Variants in DCAF8L2 observed in about 807,000 individuals in gnomAD.
DCAF8L2 encodes the protein DDB1- and CUL4-associated factor 8-like protein 2.
For synonymous variants in DCAF8L2, 200 were observed against 190.9 expected (o/e 1.05, Z -0.39); for missense variants, 430 against 490.7 (o/e 0.88, Z 1.17).
the DCAF8L2 span, among the ~76,000 whole-genome samples, chrX:27,497,167 A>G: frequency 9.0e-6 from 1 of 111,521 alleles, no homozygotes; most frequent in Admixed American, 9.6e-5. Flanking sequence ...TAGTAGATGC[A>G]TGAAGCTACA....
chrX:27,550,817 G>A, the DCAF8L2 span, among the ~76,000 whole-genome samples: 10,666 of 85,665 alleles, frequency 0.12, 408 homozygotes, highest in South Asian at 0.18. Flanking sequence ...CTTTGCAGAT[G>A]CTGTGATTTT....
Position 27,686,240 on chromosome X carries a change from T to C in DCAF8L2, c.-143+8328T>C, listed in dbSNP as rs1020987699. 2.7e-5 allele frequency among the ~76,000 whole-genome samples: 3 copies of C among 110,576 alleles called. No individual in the cohort carries two copies. The Admixed American group carries it at 2.9e-4, about 11-fold the overall frequency. On this transcript the variant is annotated intron_variant, in intron 3 of 4. Transcript: ENST00000451261. ...CAGAAATTCCACTACTAGTTATATA[T>C]CCAAAAGAAAGGAAATCAGTACATC...
chrX:27,626,530 A>C (rs907657485), intron 1 of DCAF8L2, among the ~76,000 whole-genome samples: 3 of 112,005 alleles, frequency 2.7e-5, no homozygotes, highest in African/African-American at 9.7e-5. Context: ...CCACAAAGCT[A>C]GTTTTCTAGG....
chrX:27,745,934 G>A (rs1922138640), intron 4 of DCAF8L2, among the ~76,000 whole-genome samples: 1 of 111,709 alleles, frequency 9.0e-6, no homozygotes, highest in Admixed American at 9.5e-5. Flanking sequence ...ACAAAATTGT[G>A]TTGGTGTTCC....
At chrX:27,738,383 C>G (rs1321934580) in intron 4 of DCAF8L2, among the ~76,000 whole-genome samples, 1 of 111,701 alleles carries the variant, frequency 9.0e-6, no homozygotes, top group Non-Finnish European at 1.9e-5. Context: ...TCAGAGCAAA[C>G]TTTGACTTTT....
the DCAF8L2 span, among the ~76,000 whole-genome samples, chrX:27,527,149 T>A: frequency 1.8e-5 from 2 of 112,408 alleles, no homozygotes; most frequent in African/African-American, 6.5e-5. Context: ...CAGGCAGGCC[T>A]CCTTGAGCTG....
In DCAF8L2 at chrX:27,613,411, A is replaced by T. The variant is rs371921073; in HGVS notation, c.-341-18468A>T. Among the ~76,000 whole-genome samples the T allele has an allele frequency of 4.6e-4, 51 of 111,395 alleles. No individual in the cohort carries two copies. In the East Asian group the frequency reaches 7.4e-3, roughly 16 times the overall value. On this transcript the variant is annotated intron_variant, in intron 1 of 4. Coordinates refer to ENST00000451261, the MANE Select transcript of DCAF8L2 (RefSeq NM_001353450.2). ...GTCATCTGCAAACAGGGACAATTTG[A>T]CTTCCTCTTTTCCTAATTGAATACC...
intron 1 of DCAF8L2, among the ~76,000 whole-genome samples, chrX:27,593,581 T>A (rs1215631736): frequency 8.9e-6 from 1 of 111,903 alleles, no homozygotes; most frequent in Admixed American, 9.5e-5. Context: ...ACTTGCCTTT[T>A]GCATGGAGCA....
chrX:27,702,409 A>C (rs1388249170), intron 3 of DCAF8L2, among the ~76,000 whole-genome samples: 1 of 103,796 alleles, frequency 9.6e-6, no homozygotes, highest in Non-Finnish European at 2.0e-5. Context: ...AACAAAAAAA[A>C]CCTACAAACC....
intron 1 of DCAF8L2, among the ~76,000 whole-genome samples, chrX:27,599,026 A>G (rs1171251030): frequency 9.2e-6 from 1 of 108,595 alleles, no homozygotes; most frequent in Non-Finnish European, 1.9e-5. Flanking sequence ...TGTTTATCCA[A>G]AAGAATTGAG....
chrX:27,729,972 G>A (rs1025895127), intron 4 of DCAF8L2, among the ~76,000 whole-genome samples: 3 of 111,670 alleles, frequency 2.7e-5, no homozygotes, highest in African/African-American at 9.8e-5. Flanking sequence ...GAATGGATCA[G>A]TCTCCCTCAG....
the DCAF8L2 span, among the ~76,000 whole-genome samples, chrX:27,502,852 A>C: frequency 9.0e-6 from 1 of 111,660 alleles, no homozygotes; most frequent in Non-Finnish European, 1.9e-5. Flanking sequence ...ATATAGGGGA[A>C]ACAATAACTT....
intron 4 of DCAF8L2, among the ~76,000 whole-genome samples, chrX:27,721,815 A>G (rs943631868): frequency 5.4e-5 from 6 of 111,916 alleles, no homozygotes; most frequent in African/African-American, 1.9e-4. Flanking sequence ...ATACAACAGA[A>G]GAATAATTAC....
At chrX:27,571,272 T>C in the DCAF8L2 span, among the ~76,000 whole-genome samples, 1 of 111,739 alleles carries the variant, frequency 8.9e-6, no homozygotes, top group African/African-American at 3.3e-5. Flanking sequence ...TTTTTATAGA[T>C]GGAAAGATTT....
At chrX:27,555,634 G>A in the DCAF8L2 span, among the ~76,000 whole-genome samples, 3 of 111,954 alleles carry the variant, frequency 2.7e-5, no homozygotes, top group Non-Finnish European at 3.8e-5. Flanking sequence ...CTGCAATAAT[G>A]GATAGAATTC....
intron 4 of DCAF8L2, among the ~76,000 whole-genome samples, chrX:27,724,199 A>G (rs887345877): frequency 9.0e-6 from 1 of 110,979 alleles, no homozygotes; most frequent in Admixed American, 9.6e-5. Flanking sequence ...CTCTTAAAAA[A>G]TAATCATAGG....
chrX:27,668,691 G>A (rs1309903062), intron 2 of DCAF8L2, among the ~76,000 whole-genome samples: 2 of 112,114 alleles, frequency 1.8e-5, no homozygotes. Flanking sequence ...GGTGGCTCAC[G>A]CCCATAATCC....
At chrX:27,518,375 G>A in the DCAF8L2 span, 2 of 820,773 alleles carry the variant, frequency 2.4e-6, no homozygotes, top group Non-Finnish European at 3.7e-6. Context: ...TGCTAAGGGA[G>A]GATTCTATGA....
chrX:27,592,537 A>G (rs1275381751), intron 1 of DCAF8L2, among the ~76,000 whole-genome samples: 1 of 108,635 alleles, frequency 9.2e-6, no homozygotes. Context: ...CCTGGGTTCA[A>G]GCGATTCCCC....
Sources: allele counts gnomAD v4.1 joint callset (sites outside exome capture counted in the v4.1 genomes callset), GRCh38; gene constraint gnomAD v4.1.1; transcripts MANE v1.5; gene names NCBI Gene and HGNC (gene_info 2026-07-23, HGNC 2026-07-21).